The following ZNF185 variants were observed in gnomAD, a reference collection of about 807,000 sequenced individuals.
ZNF185 encodes the protein zinc finger protein 185.
A neutral mutation model predicts 58.6 loss-of-function variants in ZNF185; 56 were observed. That is an observed-to-expected ratio of 0.95 (90% CI 0.77 to 1.19). ZNF185 has a LOEUF of 1.19. ZNF185 is among the 50% of genes most tolerant of loss of function. The pLI is 0.00. For synonymous variants in ZNF185, 230 were observed against 215.9 expected (o/e 1.07, Z -0.57); for missense variants, 627 against 573.5 (o/e 1.09, Z -0.95).
upstream of ZNF185, chrX:152,914,413 A>G: frequency 2.1e-6 from 2 of 937,192 alleles, no homozygotes; most frequent in East Asian, 6.7e-5. Flanking sequence ...CAAATGCATG[A>G]AGTGACAGCA....
At chrX:152,913,008 G>A (rs781963981), upstream of ZNF185, among the ~76,000 whole-genome samples, 53 of 112,869 alleles carry the variant, frequency 4.7e-4, no homozygotes, top group African/African-American at 1.5e-3. Flanking sequence ...TGGGCTGCTC[G>A]TTCAGTGCAG....
chrX:152,913,768 G>A (rs187827144), upstream of ZNF185, among the ~76,000 whole-genome samples: 1 of 112,603 alleles, frequency 8.9e-6, no homozygotes, highest in East Asian at 2.8e-4. Flanking sequence ...CCTAGCAGAT[G>A]ACTTGAGAGC....
the ZNF185 span, among the ~76,000 whole-genome samples, chrX:152,908,576 C>T: frequency 8.9e-5 from 10 of 112,388 alleles, no homozygotes; most frequent in Admixed American, 2.8e-4. Context: ...TGCATCAGGC[C>T]GAGCAGCACA....
intron 9 of ZNF185, 132 bp downstream of exon 10, chrX:152,920,880 A>C: frequency 8.9e-6 from 7 of 785,546 alleles, no homozygotes; most frequent in Non-Finnish European, 1.3e-5. Context: ...GAGCAGGGGG[A>C]GTTGTGAGGG....
Position 152,928,653 on chromosome X carries a change from A to C in ZNF185, c.909A>C (p.Glu303Asp). The change falls in exon 12 of 23, where the codon GAA becomes GAC. Residue 303 changes from glutamate (E) to aspartate (D), a missense_variant. Coordinates refer to ENST00000449285, the Ensembl canonical transcript of ZNF185. ...TCCGCCTGGTGGCCCCAGACGTGGAAGGCATGAGGTATGGGGGTCCTGCTG... is the reference window on the plus strand; with the variant it reads ...TCCGCCTGGTGGCCCCAGACGTGGACGGCATGAGGTATGGGGGTCCTGCTG... 4 of 1,211,016 alleles carry C rather than the reference A, an allele frequency of 3.3e-6. No individual in the cohort carries two copies. The South Asian group carries it at 7.0e-5, about 21-fold the overall frequency.
intron 17 of ZNF185, 50 bp from the exon 20 acceptor site, chrX:152,963,789 G>C (rs1556912067): frequency 8.9e-7 from 1 of 1,118,970 alleles, no homozygotes; most frequent in Admixed American, 2.3e-5. Context: ...GACCCTGGAA[G>C]GTGTCAGCTC....
intron 21 of ZNF185, 148 bp downstream of exon 23, chrX:152,969,632 G>C (rs2050477348): frequency 2.1e-6 from 1 of 471,819 alleles, no homozygotes; most frequent in Admixed American, 3.4e-5. Context: ...TAGTCGCAGA[G>C]GCTTTGCACA....
intron 16 of ZNF185, among the ~76,000 whole-genome samples, chrX:152,950,930 T>G (rs1395036540): frequency 8.9e-6 from 1 of 111,904 alleles, no homozygotes; most frequent in African/African-American, 3.2e-5. Context: ...TTGAAAAGAC[T>G]TTAAAAAAAT....
At chrX:152,944,361 C>T (rs2047561806) in intron 15 of ZNF185, among the ~76,000 whole-genome samples, 1 of 112,318 alleles carries the variant, frequency 8.9e-6, no homozygotes, top group Non-Finnish European at 1.9e-5. Context: ...TGAAGGTAGG[C>T]TGGTGATGTT....
chrX:152,934,813 A>ACCCTC (rs1356208492), intron 14 of ZNF185, among the ~76,000 whole-genome samples: 6 of 109,065 alleles, frequency 5.5e-5, no homozygotes, highest in African/African-American at 2.0e-4. Context: ...ATCTCATCTC[A>ACCCTC]TCCTCTCCTC....
At chrX:152,911,138 G>T (rs1160438851), upstream of ZNF185, among the ~76,000 whole-genome samples, 1 of 111,917 alleles carries the variant, frequency 8.9e-6, no homozygotes, top group Non-Finnish European at 1.9e-5. Context: ...GGAGTTAGGG[G>T]AGGGGAGCAC....
upstream of ZNF185, among the ~76,000 whole-genome samples, chrX:152,912,936 C>T (rs782653912): frequency 1.8e-4 from 20 of 113,004 alleles, no homozygotes; most frequent in South Asian, 3.6e-4. Flanking sequence ...GGGCTGGGCA[C>T]GCGGGGCTCC....
At chrX:152,959,657 G>T (rs1556908243) in intron 16 of ZNF185, 42 bp from the exon 19 acceptor site, 1 of 1,168,214 alleles carries the variant, frequency 8.6e-7, no homozygotes, top group Admixed American at 2.4e-5. Flanking sequence ...ACAAAGTCTA[G>T]TCTCAGGGCA....
upstream of ZNF185, chrX:152,914,436 T>C (rs879947327): frequency 4.6e-6 from 5 of 1,095,510 alleles, no homozygotes; most frequent in South Asian, 8.3e-5. Context: ...TGCTTACCTT[T>C]ATCCCCAGAA....
At chrX:152,968,346 A>G (rs1036192755) in intron 20 of ZNF185, among the ~76,000 whole-genome samples, 33 of 112,590 alleles carry the variant, frequency 2.9e-4, no homozygotes, top group Non-Finnish European at 1.1e-4. Flanking sequence ...CCCCCTTTCC[A>G]TTGCACAACT....
chrX:152,959,179 G>A (rs1418517585), intron 16 of ZNF185, among the ~76,000 whole-genome samples: 1 of 112,039 alleles, frequency 8.9e-6, no homozygotes, highest in East Asian at 2.8e-4. Context: ...AGCGGATTTG[G>A]GAATCTGGTG....
chrX:152,938,887 CA>C (rs2046745430), intron 15 of ZNF185, among the ~76,000 whole-genome samples: 1 of 95,472 alleles, frequency 1.0e-5, no homozygotes, highest in East Asian at 3.1e-4. Flanking sequence ...GTGGAAAAGG[CA>C]ACTCAGGCGA....
At chrX:152,939,188 T>C (rs781792807) in intron 15 of ZNF185, among the ~76,000 whole-genome samples, 6 of 112,410 alleles carry the variant, frequency 5.3e-5, no homozygotes, top group South Asian at 7.4e-4. Flanking sequence ...CACATTGCTG[T>C]TGCTTTTTTA....
At chrX:152,959,827 G>A (rs781943865) in exon 17 of ZNF185, 4 of 1,211,866 alleles carry the variant, frequency 3.3e-6, no homozygotes, top group East Asian at 3.0e-5. Flanking sequence ...GCAGATCCCA[G>A]TACCCCAGAA....
Sources: allele counts gnomAD v4.1 joint callset (sites outside exome capture counted in the v4.1 genomes callset), GRCh38; gene constraint gnomAD v4.1.1; transcripts MANE v1.5; gene names NCBI Gene and HGNC (gene_info 2026-07-23, HGNC 2026-07-21).